The following CNTNAP5 variants were observed in gnomAD, a reference collection of about 807,000 sequenced individuals.
CNTNAP5 encodes the protein contactin associated protein family member 5.
CNTNAP5 carries 72 observed loss-of-function variants against 150.2 expected under a neutral mutation model. That is an observed-to-expected ratio of 0.48 (90% CI 0.40 to 0.58). CNTNAP5 has a LOEUF of 0.58. Ranked by LOEUF, CNTNAP5 falls within the 20% of genes least tolerant of loss-of-function variation. The pLI is 0.00. For synonymous variants in CNTNAP5, 672 were observed against 619.8 expected, an observed-to-expected ratio of 1.08 and a Z score of -1.25; for missense variants, 1,636 against 1,626.2, an observed-to-expected ratio of 1.01 and a Z score of -0.10.
chr2:124,733,572 C>T (rs1680320107), intron 13 of CNTNAP5, among the ~76,000 whole-genome samples: 1 of 151,490 alleles, frequency 6.6e-6, no homozygotes, highest in African/African-American at 2.4e-5. Context: ...GAGTAACAAC[C>T]CAATTTGATT....
chr2:124,909,824 G>GATATAT (rs1203121251), intron 22 of CNTNAP5, among the ~76,000 whole-genome samples: 385 of 29,188 alleles, frequency 0.013, 12 homozygotes, highest in African/African-American at 0.035. Flanking sequence ...ATCAATTGGT[G>GATATAT]ACATATATAT....
At chr2:124,780,376 G>A (rs1361736330) in intron 17 of CNTNAP5, among the ~76,000 whole-genome samples, 3 of 152,152 alleles carry the variant, frequency 2.0e-5, no homozygotes, top group Non-Finnish European at 4.4e-5. Flanking sequence ...GGCTCCAGGG[G>A]GAAAGATCCC....
intron 13 of CNTNAP5, among the ~76,000 whole-genome samples, chr2:124,678,625 G>T (rs916342968): frequency 6.6e-6 from 1 of 151,806 alleles, no homozygotes; most frequent in African/African-American, 2.4e-5. Context: ...TTCCCGAGGT[G>T]AGGGTAGAAA....
chr2:124,434,511 G>T lies in CNTNAP5; in HGVS notation c.557G>T (p.Arg186Leu). ...TCAGATGTTGCTGACTTTGATGGCCGAAGCTCACTTCTGTACAGGTTCAAT... is the reference window on the plus strand; with the variant it reads ...TCAGATGTTGCTGACTTTGATGGCCTAAGCTCACTTCTGTACAGGTTCAAT... The part of the protein sequence containing the change: ...YKSDVADFDG[R>L]SSLLYRFNQK... The change falls in exon 5 of 24, where the codon CGA becomes CTA. Residue 186 changes from arginine to leucine, a missense_variant. By Grantham distance (102) the Arg-to-Leu change is moderately radical. Transcript: ENST00000682447. The T allele has an allele frequency of 6.2e-7, 1 of 1,613,870 alleles. No individual in the cohort carries two copies. Among genetic ancestry groups the T allele is most frequent in the Non-Finnish European group, 8.5e-7 (1 of 1,179,774 alleles).
intron 1 of CNTNAP5, among the ~76,000 whole-genome samples, chr2:124,076,481 T>C (rs1682440537): frequency 6.6e-6 from 1 of 152,150 alleles, no homozygotes; most frequent in African/African-American, 2.4e-5. Flanking sequence ...AACTCCCTGA[T>C]TATGGCAATT....
chr2:124,562,656 CTTTGT>C (rs1214930844), intron 10 of CNTNAP5, among the ~76,000 whole-genome samples: 3 of 152,024 alleles, frequency 2.0e-5, no homozygotes, highest in African/African-American at 7.2e-5. Flanking sequence ...GTAGTGAAGC[CTTTGT>C]TTTAAGGATA....
intron 10 of CNTNAP5, among the ~76,000 whole-genome samples, chr2:124,532,678 T>G (rs1051689755): frequency 6.6e-6 from 1 of 152,182 alleles, no homozygotes; most frequent in Non-Finnish European, 1.5e-5. Flanking sequence ...AGGACACATT[T>G]AAATCCACCC....
intron 3 of CNTNAP5, among the ~76,000 whole-genome samples, chr2:124,314,621 G>C (rs62170993): frequency 1.3e-5 from 2 of 151,700 alleles, no homozygotes; most frequent in African/African-American, 4.9e-5. Flanking sequence ...GTTTGTTTTC[G>C]TTTAGAAATA....
At chr2:124,539,237 T>G (rs916808019) in intron 10 of CNTNAP5, among the ~76,000 whole-genome samples, 1 of 152,228 alleles carries the variant, frequency 6.6e-6, no homozygotes, top group African/African-American at 2.4e-5. Context: ...CATTTTGAAT[T>G]AAGATATTTC....
intron 1 of CNTNAP5, among the ~76,000 whole-genome samples, chr2:124,070,182 C>A (rs776470347): frequency 1.3e-5 from 2 of 151,540 alleles, no homozygotes; most frequent in East Asian, 3.9e-4. Flanking sequence ...AAACATACAA[C>A]AAATACATAA....
At chr2:124,552,927 A>G (rs1164953829) in intron 10 of CNTNAP5, among the ~76,000 whole-genome samples, 2 of 152,158 alleles carry the variant, frequency 1.3e-5, no homozygotes, top group Non-Finnish European at 2.9e-5. Context: ...CATTTATTTA[A>G]CCATTCCCTA....
chr2:124,381,032 G>C (rs956626775), intron 3 of CNTNAP5, among the ~76,000 whole-genome samples: 5 of 152,148 alleles, frequency 3.3e-5, no homozygotes, highest in Non-Finnish European at 7.4e-5. Context: ...TGTCCCTTCA[G>C]AACAGGACGC....
intron 6 of CNTNAP5, among the ~76,000 whole-genome samples, chr2:124,457,790 T>C (rs757565333): frequency 6.6e-6 from 1 of 152,100 alleles, no homozygotes; most frequent in Non-Finnish European, 1.5e-5. Flanking sequence ...GATATACAAA[T>C]GGCCAACAAA....
intron 11 of CNTNAP5, among the ~76,000 whole-genome samples, chr2:124,588,771 TG>T (rs1558966466): frequency 6.6e-6 from 1 of 152,100 alleles, no homozygotes; most frequent in Non-Finnish European, 1.5e-5. Context: ...TTAACTAAAA[TG>T]TGTGGTGGTT....
At chr2:124,296,953 C>T (rs2104641139) in intron 3 of CNTNAP5, among the ~76,000 whole-genome samples, 1 of 152,334 alleles carries the variant, frequency 6.6e-6, no homozygotes, top group Non-Finnish European at 1.5e-5. Flanking sequence ...ATCCTCCTGC[C>T]TTGGAAAATG....
intron 3 of CNTNAP5, among the ~76,000 whole-genome samples, chr2:124,347,766 T>C (rs1689775907): frequency 6.6e-6 from 1 of 152,132 alleles, no homozygotes; most frequent in African/African-American, 2.4e-5. Flanking sequence ...TAAGTGTGTA[T>C]GTGTTTACAT....
intron 2 of CNTNAP5, among the ~76,000 whole-genome samples, chr2:124,223,095 A>G (rs2699360): frequency 0.78 from 118,796 of 151,602 alleles, 46,763 homozygotes; most frequent in East Asian, 1. Context: ...AAGTTGTTGC[A>G]AACATTATTA....
At chr2:124,235,372 C>A (rs1686722941) in intron 2 of CNTNAP5, among the ~76,000 whole-genome samples, 1 of 152,020 alleles carries the variant, frequency 6.6e-6, no homozygotes, top group Non-Finnish European at 1.5e-5. Flanking sequence ...GACCTGAGAA[C>A]ATCCTCAACA....
At chr2:124,102,318 C>T (rs1378864534) in intron 1 of CNTNAP5, among the ~76,000 whole-genome samples, 2 of 152,090 alleles carry the variant, frequency 1.3e-5, no homozygotes, top group Non-Finnish European at 2.9e-5. Context: ...GAAACTCCAG[C>T]TAAAATTGCT....
Sources: gnomAD v4.1 joint callset for allele counts (sites outside exome capture counted in the v4.1 genomes callset) on GRCh38, gnomAD v4.1.1 for gene constraint, MANE v1.5 for transcripts, NCBI Gene and HGNC (gene_info 2026-07-23, HGNC 2026-07-21) for gene names.